Variants in ZNF503 observed in about 807,000 individuals in gnomAD.
The protein encoded by ZNF503 is NocA-like zinc finger 2.
Under a neutral mutation model 34.4 loss-of-function variants are expected in ZNF503, and 15 were observed. The observed-to-expected ratio is 0.44, with a 90% CI of 0.29 to 0.67. The LOEUF (loss-of-function observed/expected upper bound fraction) is 0.67, where lower values mean the gene tolerates loss of function less well. Ranked by LOEUF, ZNF503 falls within the 30% of genes least tolerant of loss-of-function variation. ZNF503 has a pLI of 0.13. For missense variants in ZNF503, 1,007 were observed against 926.8 expected, an observed-to-expected ratio of 1.09 and a Z score of -1.12; for synonymous variants, 580 against 456.8, an observed-to-expected ratio of 1.27 and a Z score of -3.44.
the ZNF503 span, among the ~76,000 whole-genome samples, chr10:75,291,878 C>A: frequency 3.0e-3 from 464 of 152,328 alleles, 1 homozygote; most frequent in African/African-American, 8.8e-3. Flanking sequence ...AGCTGCAGCT[C>A]TGGCTTTCTG....
chr10:75,317,518 C>T, the ZNF503 span, among the ~76,000 whole-genome samples: 1 of 151,596 alleles, frequency 6.6e-6, no homozygotes, highest in Non-Finnish European at 1.5e-5. Flanking sequence ...ATCTCTTGAC[C>T]TCGTGATCCG....
chr10:75,287,344 C>T, the ZNF503 span, among the ~76,000 whole-genome samples: 3 of 152,104 alleles, frequency 2.0e-5, no homozygotes, highest in African/African-American at 7.2e-5. Context: ...TGAACACAAG[C>T]ACACTATGTT....
chr10:75,359,627 C>A, the ZNF503 span, among the ~76,000 whole-genome samples: 1 of 152,198 alleles, frequency 6.6e-6, no homozygotes, highest in Non-Finnish European at 1.5e-5. Context: ...CTATGTGGTT[C>A]CAAATGTGGT....
At chr10:75,329,601 G>C in the ZNF503 span, among the ~76,000 whole-genome samples, 2 of 152,076 alleles carry the variant, frequency 1.3e-5, no homozygotes, top group East Asian at 1.9e-4. Context: ...AAGTAGCTGG[G>C]ACTACAGGCA....
intron 1 of ZNF503, 131 bp downstream of exon 1, chr10:75,400,974 T>G (rs1589134415): frequency 7.5e-7 from 1 of 1,334,112 alleles, no homozygotes; most frequent in African/African-American, 1.5e-5. Context: ...ACGGAAGCAG[T>G]AGCCTCTTCC....
the ZNF503 span, among the ~76,000 whole-genome samples, chr10:75,336,666 C>G: frequency 6.6e-6 from 1 of 152,176 alleles, no homozygotes; most frequent in African/African-American, 2.4e-5. Flanking sequence ...TTTTGGATCT[C>G]ACAAGGCCAA....
chr10:75,315,949 T>A, the ZNF503 span, among the ~76,000 whole-genome samples: 2 of 152,196 alleles, frequency 1.3e-5, no homozygotes, highest in African/African-American at 2.4e-5. Context: ...AAATCGACTT[T>A]ACATCAAAAG....
the ZNF503 span, among the ~76,000 whole-genome samples, chr10:75,363,076 A>T: frequency 7.4e-6 from 1 of 135,948 alleles, no homozygotes; most frequent in Non-Finnish European, 1.6e-5. Context: ...GTGTGCATGC[A>T]TGCATACACA....
intron 1 of ZNF503, 95 bp from the exon 2 acceptor site, chr10:75,400,469 A>G (rs1225912889): frequency 6.9e-7 from 1 of 1,455,578 alleles, no homozygotes. Flanking sequence ...GCCTCTCCGC[A>G]ACAGCCCACG....
the ZNF503 span, among the ~76,000 whole-genome samples, chr10:75,341,454 A>T: frequency 5.6e-3 from 860 of 152,336 alleles, 8 homozygotes; most frequent in African/African-American, 0.019. Flanking sequence ...GCTGTAACAC[A>T]CCAGCCTCAT....
rs1843760554 is a variant in ZNF503 at position 75,399,867 on chromosome 10, C to T, written c.823G>A (p.Gly275Arg). 1 of 1,600,452 alleles carries T rather than the reference C, an allele frequency of 6.2e-7. No homozygotes were observed. Among genetic ancestry groups the T allele is most frequent in the South Asian group, 1.1e-5 (1 of 89,520 alleles). The change falls in exon 2 of 2, where the codon GGA becomes AGA. Residue 275 changes from glycine (G) to arginine (R), a missense_variant. Physicochemically the swap from Gly to Arg is moderately radical, Grantham distance 125. Transcript: ENST00000372524. ...KGTGGASAEG[G>R]PTGLAHGRIS... ...CGGCCGTGTGCCAGCCCCGTGGGTC[C>T]CCCTTCGGCCGAGGCGCCCCCGGTG... is the stretch of plus-strand genomic sequence containing the variant.
chr10:75,373,793 G>A, the ZNF503 span, among the ~76,000 whole-genome samples: 4 of 152,272 alleles, frequency 2.6e-5, no homozygotes, highest in South Asian at 2.1e-4. Context: ...TGCACAGTGC[G>A]GGACACAAAG....
the ZNF503 span, among the ~76,000 whole-genome samples, chr10:75,327,822 T>C: frequency 6.6e-6 from 1 of 152,196 alleles, no homozygotes. Flanking sequence ...TATTGTGATT[T>C]TGATTTGCAT....
the ZNF503 span, among the ~76,000 whole-genome samples, chr10:75,364,134 A>G: frequency 6.6e-6 from 1 of 152,200 alleles, no homozygotes; most frequent in African/African-American, 2.4e-5. Context: ...CTTTTTAAAA[A>G]ATTCCATGGG....
At chr10:75,309,837 G>T in the ZNF503 span, among the ~76,000 whole-genome samples, 1 of 152,004 alleles carries the variant, frequency 6.6e-6, no homozygotes, top group African/African-American at 2.4e-5. Flanking sequence ...TGAAGCTTTT[G>T]TTCTATCTTT....
chr10:75,294,551 T>G, the ZNF503 span, among the ~76,000 whole-genome samples: 1 of 152,158 alleles, frequency 6.6e-6, no homozygotes, highest in Non-Finnish European at 1.5e-5. Context: ...CTTCTCACTC[T>G]GGGGTGGCAT....
At chr10:75,293,980 G>C in the ZNF503 span, among the ~76,000 whole-genome samples, 1 of 152,160 alleles carries the variant, frequency 6.6e-6, no homozygotes, top group African/African-American at 2.4e-5. Context: ...AGTGGGCCTG[G>C]CAGGGGTGGT....
At chr10:75,383,526 T>A in the ZNF503 span, among the ~76,000 whole-genome samples, 1 of 152,210 alleles carries the variant, frequency 6.6e-6, no homozygotes, top group Non-Finnish European at 1.5e-5. Context: ...CAGCATTTCC[T>A]GAGCTCTGTG....
At chr10:75,400,972 A>G (rs1282575637) in intron 1 of ZNF503, 133 bp downstream of exon 1, 2 of 1,307,262 alleles carry the variant, frequency 1.5e-6, no homozygotes, top group Non-Finnish European at 2.1e-6. Context: ...GTACGGAAGC[A>G]GTAGCCTCTT....
Sources: allele counts gnomAD v4.1 joint callset (sites outside exome capture counted in the v4.1 genomes callset), GRCh38; gene constraint gnomAD v4.1.1; transcripts MANE v1.5; gene names NCBI Gene and HGNC (gene_info 2026-07-23, HGNC 2026-07-21).